Variants in THSD7B observed in about 807,000 individuals in gnomAD.
The protein encoded by THSD7B is thrombospondin type 1 domain containing 7B.
A neutral mutation model predicts 213.6 loss-of-function variants in THSD7B; 138 were observed. The observed-to-expected ratio is 0.65, with a 90% CI of 0.56 to 0.74. The LOEUF (loss-of-function observed/expected upper bound fraction) is 0.74. Among genes scored for constraint, THSD7B ranks in the 30% least tolerant of loss-of-function variants. The probability of loss-of-function intolerance (pLI) is 0.00; values close to 1 mark genes in which losing one functional copy is unlikely to be tolerated. For missense variants in THSD7B, 1,931 were observed against 1,991.5 expected (o/e 0.97, Z 0.58); for synonymous variants, 742 against 687.0 (o/e 1.08, Z -1.25).
intron 12 of THSD7B, among the ~76,000 whole-genome samples, chr2:137,385,650 G>C (rs956643213): frequency 1.4e-5 from 2 of 143,156 alleles, no homozygotes; most frequent in Non-Finnish European, 2.9e-5. Flanking sequence ...TTTGTGACTT[G>C]AGCATTGGAG....
intron 3 of THSD7B, among the ~76,000 whole-genome samples, chr2:137,072,912 A>C (rs1687528184): frequency 6.6e-6 from 1 of 152,128 alleles, no homozygotes; most frequent in Non-Finnish European, 1.5e-5. Flanking sequence ...ACATTTATTG[A>C]TTTACGTATG....
intron 1 of THSD7B, among the ~76,000 whole-genome samples, chr2:136,781,267 A>AT (rs10687137): frequency 0.15 from 18,734 of 125,714 alleles, 1,876 homozygotes; most frequent in African/African-American, 0.24. Flanking sequence ...TACCAGTTCT[A>AT]TTTTTTTTTT....
intron 2 of THSD7B, among the ~76,000 whole-genome samples, chr2:137,018,421 A>G (rs1289598707): frequency 6.6e-6 from 1 of 152,206 alleles, no homozygotes; most frequent in Non-Finnish European, 1.5e-5. Context: ...CAGAAGTACT[A>G]AGAATAAACT....
At chr2:137,648,560 C>T (rs1350010747) in intron 21 of THSD7B, among the ~76,000 whole-genome samples, 1 of 152,132 alleles carries the variant, frequency 6.6e-6, no homozygotes, top group Non-Finnish European at 1.5e-5. Context: ...GGATTTTATT[C>T]TTCCTTATGG....
intron 2 of THSD7B, among the ~76,000 whole-genome samples, chr2:137,036,070 TTAA>T (rs2104856992): frequency 6.6e-6 from 1 of 152,302 alleles, no homozygotes; most frequent in Non-Finnish European, 1.5e-5. Flanking sequence ...ACTAGGTGCT[TTAA>T]AAAAATTAAG....
intron 12 of THSD7B, among the ~76,000 whole-genome samples, chr2:137,390,154 T>A (rs1685986447): frequency 6.6e-6 from 1 of 152,220 alleles, no homozygotes; most frequent in South Asian, 2.1e-4. Flanking sequence ...GTGGTCGTTC[T>A]TACAATATTA....
intron 2 of THSD7B, chr2:136,990,831 T>C: frequency 7.9e-7 from 1 of 1,271,298 alleles, no homozygotes; most frequent in Non-Finnish European, 1.0e-6. Flanking sequence ...TTCTTCTGAG[T>C]ACTGAGCATT....
intron 7 of THSD7B, among the ~76,000 whole-genome samples, chr2:137,193,132 A>G (rs1680693548): frequency 6.6e-6 from 1 of 152,116 alleles, no homozygotes; most frequent in Non-Finnish European, 1.5e-5. Flanking sequence ...AGCGCTTTCC[A>G]GACCTCTCCA....
intron 1 of THSD7B, among the ~76,000 whole-genome samples, chr2:136,785,638 A>G (rs1355365613): frequency 4.6e-5 from 7 of 152,140 alleles, no homozygotes; most frequent in Admixed American, 4.6e-4. Flanking sequence ...AGAGTTTGAG[A>G]TTTCTGTTTT....
At chr2:137,217,056 A>C (rs756006483) in intron 7 of THSD7B, among the ~76,000 whole-genome samples, 37 of 152,152 alleles carry the variant, frequency 2.4e-4, no homozygotes, top group Admixed American at 4.6e-4. Context: ...TGACATGGTC[A>C]TCCTTCCATC....
At chr2:137,017,733 G>GC (rs1440541697) in intron 2 of THSD7B, among the ~76,000 whole-genome samples, 1 of 152,022 alleles carries the variant, frequency 6.6e-6, no homozygotes, top group Non-Finnish European at 1.5e-5. Context: ...GCCATATGAT[G>GC]CCTTATTCTG....
At chr2:137,534,263 G>T (rs754851357) in intron 15 of THSD7B, among the ~76,000 whole-genome samples, 2 of 151,440 alleles carry the variant, frequency 1.3e-5, no homozygotes, top group African/African-American at 2.4e-5. Flanking sequence ...TGAGAATAAG[G>T]GTTCTAACAG....
intron 2 of THSD7B, among the ~76,000 whole-genome samples, chr2:137,045,182 G>GT (rs70975735): frequency 0.041 from 6,127 of 148,734 alleles, 186 homozygotes; most frequent in Admixed American, 0.076. Context: ...CATATGACTT[G>GT]TTTTTTTTTT....
chr2:137,655,435 G>C, intron 21 of THSD7B, 66 bp from the exon 22 acceptor site: 1 of 1,503,422 alleles, frequency 6.7e-7, no homozygotes, highest in South Asian at 1.3e-5. Flanking sequence ...GCAAGAGGTG[G>C]CAAGAGCCAA....
intron 2 of THSD7B, among the ~76,000 whole-genome samples, chr2:136,890,301 CTCCT>C (rs1336671801): frequency 0.33 from 163 of 488 alleles, 18 homozygotes; most frequent in East Asian, 0.75. Flanking sequence ...CCATGTCCTA[CTCCT>C]TCTTCTTCTT....
intron 2 of THSD7B, among the ~76,000 whole-genome samples, chr2:136,915,463 C>T (rs1684335003): frequency 3.9e-5 from 6 of 152,180 alleles, no homozygotes; most frequent in Admixed American, 3.9e-4. Flanking sequence ...ATTTCAAATT[C>T]TCAAGAGTTT....
rs182922873 is a variant in THSD7B at position 137,270,328 on chromosome 2, C to T, written c.2267-2205C>T. 6.0e-3 allele frequency among the ~76,000 whole-genome samples: 907 copies of T among 152,136 alleles called. 9 individuals are homozygous for T. Among genetic ancestry groups the T allele is most frequent in the African/African-American group, 0.02 (823 of 41,510 alleles). On this transcript the variant is annotated intron_variant, in intron 10 of 27. Transcript: ENST00000409968. Reference sequence around the variant, plus strand: ...ATGCAGCCCATCTCTGGGTATAAAGCAGGTTGAAGAAGAACAAAGAGGGAA... The same window carrying T: ...ATGCAGCCCATCTCTGGGTATAAAGTAGGTTGAAGAAGAACAAAGAGGGAA...
chr2:137,278,305 C>G (rs991182208), intron 12 of THSD7B, among the ~76,000 whole-genome samples: 1 of 152,054 alleles, frequency 6.6e-6, no homozygotes, highest in South Asian at 2.1e-4. Flanking sequence ...AGAGTAAACA[C>G]CATGATCTCT....
intron 12 of THSD7B, among the ~76,000 whole-genome samples, chr2:137,336,356 G>C (rs1444046772): frequency 6.6e-6 from 1 of 152,138 alleles, no homozygotes. Flanking sequence ...CTCCACCTGA[G>C]CTCACGTAAG....
Sources: gnomAD v4.1 joint callset for allele counts (sites outside exome capture counted in the v4.1 genomes callset) on GRCh38, gnomAD v4.1.1 for gene constraint, MANE v1.5 for transcripts, NCBI Gene and HGNC (gene_info 2026-07-23, HGNC 2026-07-21) for gene names.